OPCML: variants seen among roughly 807,000 people sequenced by gnomAD.
OPCML encodes the protein opioid binding protein/cell adhesion molecule like.
A neutral mutation model predicts 37.8 loss-of-function variants in OPCML; 13 were observed. The observed-to-expected ratio is 0.34, with a 90% CI of 0.22 to 0.55. The LOEUF is 0.55. Ranked by LOEUF, OPCML falls within the 20% of genes least tolerant of loss-of-function variation. OPCML has a pLI of 0.91. For missense variants in OPCML, 341 were observed against 435.6 expected (o/e 0.78, Z 1.93); for synonymous variants, 176 against 168.8 (o/e 1.04, Z -0.33).
intron 1 of OPCML, among the ~76,000 whole-genome samples, chr11:133,069,486 G>A (rs934071617): frequency 1.3e-5 from 2 of 152,138 alleles, no homozygotes; most frequent in African/African-American, 4.8e-5. Context: ...TGGGGTGCAG[G>A]GGCGAGTGGC....
chr11:133,204,899 T>TATAC (rs1938992338), intron 1 of OPCML, among the ~76,000 whole-genome samples: 1 of 83,978 alleles, frequency 1.2e-5, no homozygotes, highest in Non-Finnish European at 2.6e-5. Context: ...TATATATATA[T>TATAC]ATATATATAT....
rs71477791 is a variant in OPCML, at chr11:133,377,612, G to GAAAAAAAAAAAAAAAAAA, written c.61+154651_61+154652insTTTTTTTTTTTTTTTTTT. 1.6e-3 allele frequency among the ~76,000 whole-genome samples: 123 copies of GAAAAAAAAAAAAAAAAAA among 79,044 alleles called. 18 individuals carry two copies. The highest frequency in any genetic ancestry group is 6.5e-3 in the African/African-American group (111 of 17,208). 51.9% of individuals were successfully genotyped at this position (79,044 alleles called of 152,430 possible). ...GCTCTCTCTGACGTGCCAGTATTCAGAAAAAAAAAAAAAAAGAGCACCAAG... is the reference window on the plus strand; with the variant it reads ...GCTCTCTCTGACGTGCCAGTATTCAGAAAAAAAAAAAAAAAAAAAAAAAAAAAAAAAAAGAGCACCAAG... On this transcript the variant is annotated intron_variant, in intron 1 of 7. Transcript: ENST00000524381.
intron 4 of OPCML, among the ~76,000 whole-genome samples, chr11:132,514,195 G>T (rs1334042542): frequency 6.6e-6 from 1 of 152,150 alleles, no homozygotes; most frequent in Non-Finnish European, 1.5e-5. Flanking sequence ...TAAATTTAAA[G>T]GATGATTTTG....
At chr11:132,547,382 A>C (rs1289029103) in intron 3 of OPCML, among the ~76,000 whole-genome samples, 1 of 152,208 alleles carries the variant, frequency 6.6e-6, no homozygotes, top group South Asian at 2.1e-4. Context: ...GCATGCAGGC[A>C]TCTTGGAGAA....
chr11:132,782,139 G>C (rs933322842), intron 2 of OPCML, among the ~76,000 whole-genome samples: 2 of 151,824 alleles, frequency 1.3e-5, no homozygotes, highest in Admixed American at 6.6e-5. Context: ...TGGGGTTGCT[G>C]TCTGAGAGAG....
At chr11:133,280,424 T>G (rs797018912) in intron 1 of OPCML, among the ~76,000 whole-genome samples, 27 of 152,334 alleles carry the variant, frequency 1.8e-4, no homozygotes, top group African/African-American at 6.3e-4. Context: ...CTAACAGATC[T>G]TCTGTCACCT....
chr11:132,580,186 C>T (rs937680449), intron 3 of OPCML, among the ~76,000 whole-genome samples: 2 of 152,168 alleles, frequency 1.3e-5, no homozygotes, highest in African/African-American at 4.8e-5. Context: ...ACCATAGCAG[C>T]TTGGAGCACA....
intron 1 of OPCML, among the ~76,000 whole-genome samples, chr11:133,002,831 C>CCAAT (rs1947033801): frequency 6.6e-6 from 1 of 152,028 alleles, no homozygotes; most frequent in Non-Finnish European, 1.5e-5. Context: ...CATCAGTTGA[C>CCAAT]CAATCCTATA....
intron 1 of OPCML, among the ~76,000 whole-genome samples, chr11:133,499,231 A>G (rs1161818877): frequency 1.3e-5 from 2 of 152,172 alleles, no homozygotes; most frequent in Non-Finnish European, 2.9e-5. Context: ...AGTCTTGGGA[A>G]CCAGGGATTT....
In OPCML at chr11:132,772,546, C is replaced by G. The variant is rs998786740; in HGVS notation, c.147-115227G>C. Reference sequence around the variant, plus strand: ...GGGCACTTATTCCTCCAGGACATCACAGTCACGGTGGGTCCGGGAGCAGGG... The same window carrying G: ...GGGCACTTATTCCTCCAGGACATCAGAGTCACGGTGGGTCCGGGAGCAGGG... On this transcript the variant is annotated intron_variant, in intron 2 of 7. Coordinates refer to ENST00000524381, the MANE Select transcript of OPCML (RefSeq NM_001012393.5). 4 of 152,222 alleles carry G rather than the reference C, an allele frequency of 2.6e-5. No homozygotes were observed. In the East Asian group the frequency reaches 7.7e-4, roughly 29 times the overall value. The allele number at this position is 152,222 out of a possible 1,614,324, so 9.4% of individuals were successfully genotyped here. A position where few individuals can be genotyped will look rare whatever the true frequency, so the allele number is the denominator to read the frequency against.
intron 3 of OPCML, among the ~76,000 whole-genome samples, chr11:132,656,521 C>T (rs977060291): frequency 3.9e-5 from 6 of 152,168 alleles, no homozygotes; most frequent in African/African-American, 1.4e-4. Context: ...CATTAACCTG[C>T]AGATATCATT....
intron 1 of OPCML, among the ~76,000 whole-genome samples, chr11:133,031,253 G>A (rs1010952918): frequency 1.6e-4 from 25 of 152,070 alleles, no homozygotes; most frequent in Admixed American, 1.2e-3. Flanking sequence ...ATGGGTGGAT[G>A]GGTAGACAGG....
chr11:133,202,648 G>A (rs1197496851), intron 1 of OPCML, among the ~76,000 whole-genome samples: 1 of 152,202 alleles, frequency 6.6e-6, no homozygotes, highest in East Asian at 1.9e-4. Context: ...TTTCTTCCAG[G>A]GAAACTTCTT....
intron 1 of OPCML, among the ~76,000 whole-genome samples, chr11:133,467,899 G>C (rs927468083): frequency 6.6e-6 from 1 of 152,136 alleles, no homozygotes; most frequent in Non-Finnish European, 1.5e-5. Context: ...TGGCAGCTTT[G>C]TTTATATCAC....
chr11:132,938,100 G>T (rs1448232225), intron 2 of OPCML, among the ~76,000 whole-genome samples: 1 of 151,986 alleles, frequency 6.6e-6, no homozygotes, highest in Non-Finnish European at 1.5e-5. Flanking sequence ...TTAGATATAA[G>T]GGTTTCATTG....
intron 1 of OPCML, among the ~76,000 whole-genome samples, chr11:132,945,877 G>A (rs1350923647): frequency 1.3e-5 from 2 of 152,140 alleles, no homozygotes; most frequent in Admixed American, 6.5e-5. Context: ...CCACCTCCCG[G>A]GTTCACGCCA....
chr11:132,945,870 C>A (rs1565360161), intron 1 of OPCML, among the ~76,000 whole-genome samples: 1 of 152,212 alleles, frequency 6.6e-6, no homozygotes, highest in Non-Finnish European at 1.5e-5. Context: ...GCAAGCTCCA[C>A]CTCCCGGGTT....
At position 133,205,860 on chromosome 11, in the gene OPCML, A is replaced by G. The variant is rs1015120231; in HGVS notation, c.62-262850T>C. Among the ~76,000 whole-genome samples the G allele has an allele frequency of 5.3e-5, 8 of 152,206 alleles. No individual in the cohort carries two copies. The highest frequency in any genetic ancestry group is 1.7e-4 in the African/African-American group (7 of 41,460). On this transcript the variant is annotated intron_variant, in intron 1 of 7. Coordinates refer to ENST00000524381, the MANE Select transcript of OPCML (RefSeq NM_001012393.5). This position sits in a 1 kb window ranked among gnomAD's most constrained non-coding sequence, Gnocchi z 4.8. ...TTTTGGATTCCAACAAGCCAGGGTC[A>G]GGTCTTCCTAAGATGTCAGAGTGCA...
intron 2 of OPCML, among the ~76,000 whole-genome samples, chr11:132,863,587 C>T (rs918145224): frequency 2.0e-5 from 3 of 152,178 alleles, no homozygotes; most frequent in Admixed American, 1.3e-4. Context: ...AGGCAGGTCA[C>T]TGAAGTCAGA....
Sources: gnomAD v4.1 joint callset for allele counts (sites outside exome capture counted in the v4.1 genomes callset) on GRCh38, gnomAD v4.1.1 for gene constraint, Gnocchi (gnomAD v3.1) non-coding constraint, MANE v1.5 for transcripts, NCBI Gene and HGNC (gene_info 2026-07-23, HGNC 2026-07-21) for gene names.